Variants in PPFIBP2 observed in about 807,000 individuals in gnomAD.
PPFIBP2 encodes the protein liprin-beta-2.
Under a neutral mutation model 118.3 loss-of-function variants are expected in PPFIBP2, and 118 were observed. The ratio of observed to expected loss-of-function variants is 1.00; its 90% CI spans 0.86 to 1.16. PPFIBP2 has a LOEUF of 1.16. Among genes scored for constraint, PPFIBP2 ranks in the 50% most tolerant of loss-of-function variants. PPFIBP2 has a pLI of 0.00. For synonymous variants in PPFIBP2, 414 were observed against 397.4 expected, an observed-to-expected ratio of 1.04 and a Z score of -0.50; for missense variants, 1,195 against 1,073.1, an observed-to-expected ratio of 1.11 and a Z score of -1.59.
chr11:7,623,218 C>T (rs1849568992), intron 7 of PPFIBP2, among the ~76,000 whole-genome samples: 1 of 150,746 alleles, frequency 6.6e-6, no homozygotes, highest in African/African-American at 2.5e-5. Flanking sequence ...TCAGGCCTCT[C>T]AGTCTCTGAA....
At chr11:7,637,571 A>G (rs990661663) in intron 14 of PPFIBP2, among the ~76,000 whole-genome samples, 1 of 151,982 alleles carries the variant, frequency 6.6e-6, no homozygotes, top group Non-Finnish European at 1.5e-5. Flanking sequence ...CTCTGTTGTA[A>G]TTTAAAGCAG....
intron 3 of PPFIBP2, among the ~76,000 whole-genome samples, chr11:7,577,824 T>A (rs1294810165): frequency 6.6e-6 from 1 of 152,110 alleles, no homozygotes; most frequent in East Asian, 1.9e-4. Context: ...TCAGCTGTCT[T>A]TGTTTCTCCA....
chr11:7,649,806 A>G, intron 21 of PPFIBP2, 152 bp downstream of exon 21: 5 of 1,225,194 alleles, frequency 4.1e-6, no homozygotes, highest in Non-Finnish European at 5.8e-6. Flanking sequence ...CTGTTGCCCC[A>G]AACATCCGTT....
Position 7,649,670 on chromosome 11 carries a change from G to A in PPFIBP2, c.2121+16G>A. On this transcript the variant is annotated intron_variant, in intron 21 of 23. Coordinates refer to ENST00000299492, the MANE Select transcript of PPFIBP2 (RefSeq NM_003621.5). ...AGCTGATGAGGTGAGACCACAAATA[G>A]TATCTCTCCAGGTAGCCCTGAGCCA... 2 of 1,614,178 alleles carry A rather than the reference G, an allele frequency of 1.2e-6. No homozygotes were observed. The highest frequency in any genetic ancestry group is 1.7e-6 in the Non-Finnish European group (2 of 1,180,022).
intron 1 of PPFIBP2, among the ~76,000 whole-genome samples, chr11:7,535,053 G>A (rs1851076132): frequency 6.6e-6 from 1 of 152,212 alleles, no homozygotes; most frequent in Non-Finnish European, 1.5e-5. Flanking sequence ...GGGCTGAGCT[G>A]CACATGCTCA....
In PPFIBP2 at chr11:7,650,210, A is replaced by C. The variant is rs768095881; in HGVS notation, c.2121+556A>C. On this transcript the variant is annotated intron_variant, in intron 21 of 23. Coordinates refer to ENST00000299492, the MANE Select transcript of PPFIBP2 (RefSeq NM_003621.5). ...ACTTCGGAGTTCTTGGTGGACCCCC[A>C]AACTGAAGATTGTCAGTCACATCCT... is the stretch of plus-strand genomic sequence containing the variant. Among the ~76,000 whole-genome samples the C allele has an allele frequency of 9.4e-4, 143 of 152,090 alleles. 1 individual carries two copies. Among genetic ancestry groups the C allele is most frequent in the Admixed American group, 3.9e-3 (60 of 15,296 alleles).
intron 3 of PPFIBP2, among the ~76,000 whole-genome samples, chr11:7,567,919 G>A (rs777146120): frequency 3.3e-5 from 5 of 152,176 alleles, no homozygotes; most frequent in Admixed American, 6.5e-5. Context: ...GAAGCGCTGC[G>A]TTCAACCCTG....
chr11:7,565,826 G>A (rs747629300), intron 3 of PPFIBP2, 59 bp downstream of exon 3: 281 of 1,563,362 alleles, frequency 1.8e-4, no homozygotes, highest in Non-Finnish European at 2.4e-4. Flanking sequence ...GCAGCCCATG[G>A]AGTGCCACTG....
At chr11:7,641,416 G>A (rs1852174806) in intron 15 of PPFIBP2, 63 bp from the exon 16 acceptor site, 2 of 1,573,558 alleles carry the variant, frequency 1.3e-6, no homozygotes, top group Non-Finnish European at 1.7e-6. Flanking sequence ...CCCAGGCTTG[G>A]GGAAGAAGGG....
Position 7,653,694 on chromosome 11 carries a change from G to C in PPFIBP2, c.*476G>C, listed in dbSNP as rs900309084. 6 of 1,282,392 alleles carry C rather than the reference G, an allele frequency of 4.7e-6. No homozygotes were observed. The African/African-American group carries it at 7.6e-5, about 16-fold the overall frequency. The allele number at this position is 1,282,392 out of a possible 1,614,324, so 79.4% of individuals were successfully genotyped here. A position where few individuals can be genotyped will look rare whatever the true frequency, so the allele number is the denominator to read the frequency against. ...TCTGCCACAGTGACAATGGAATTGT[G>C]TTGTGCCTTACTTCAGAGGTGGTCT... On this transcript the variant is annotated 3_prime_UTR_variant, in exon 24 of 24. Coordinates refer to ENST00000299492, the MANE Select transcript of PPFIBP2 (RefSeq NM_003621.5).
chr11:7,581,592 G>A (rs756933955), intron 3 of PPFIBP2, among the ~76,000 whole-genome samples: 13 of 152,124 alleles, frequency 8.5e-5, no homozygotes, highest in African/African-American at 1.4e-4. Flanking sequence ...AGGCAGACAC[G>A]GAGGTCTCCT....
intron 5 of PPFIBP2, among the ~76,000 whole-genome samples, chr11:7,598,850 A>G (rs2135347483): frequency 7.6e-6 from 1 of 131,140 alleles, no homozygotes; most frequent in South Asian, 2.2e-4. Flanking sequence ...TGTCATGAGA[A>G]TTAATCTGGT....
At chr11:7,628,063 G>A (rs1449886449) in intron 8 of PPFIBP2, among the ~76,000 whole-genome samples, 1 of 152,150 alleles carries the variant, frequency 6.6e-6, no homozygotes, top group Non-Finnish European at 1.5e-5. Context: ...GCCCATAAAT[G>A]TCTATAAAGA....
intron 6 of PPFIBP2, among the ~76,000 whole-genome samples, chr11:7,615,732 A>G (rs148280041): frequency 6.6e-6 from 1 of 152,346 alleles, no homozygotes; most frequent in Admixed American, 6.5e-5. Context: ...AAACTGGTTT[A>G]TGAAGTAAAA....
chr11:7,517,534 G>C (rs549181951), intron 1 of PPFIBP2, among the ~76,000 whole-genome samples: 1 of 148,640 alleles, frequency 6.7e-6, no homozygotes, highest in East Asian at 2.0e-4. Context: ...GTGGAGTTTT[G>C]AAAGGATGTC....
intron 14 of PPFIBP2, among the ~76,000 whole-genome samples, chr11:7,639,271 C>A (rs1348165906): frequency 6.6e-6 from 1 of 152,194 alleles, no homozygotes; most frequent in Non-Finnish European, 1.5e-5. Context: ...CCAGACCAGA[C>A]TGAGCTCAGT....
intron 3 of PPFIBP2, among the ~76,000 whole-genome samples, chr11:7,580,482 C>T (rs1857106380): frequency 6.6e-6 from 1 of 152,120 alleles, no homozygotes; most frequent in African/African-American, 2.4e-5. Flanking sequence ...TTGAGCAGTC[C>T]AAGGTGGTGG....
At chr11:7,520,338 G>C (rs1279321772) in intron 1 of PPFIBP2, among the ~76,000 whole-genome samples, 2 of 152,036 alleles carry the variant, frequency 1.3e-5, no homozygotes, top group African/African-American at 2.4e-5. Context: ...GGTATTTTCC[G>C]GCTGGCTCTT....
rs560159557 is a variant in PPFIBP2, at chr11:7,645,009, A to G, written c.1646+2583A>G. ...GCCACTGCACTCCAGCCTGGGCGAC[A>G]GAGCAAGACTCCGTCTCAAAAAAAA... is the stretch of plus-strand genomic sequence containing the variant. On this transcript the variant is annotated intron_variant, in intron 17 of 23. Coordinates refer to ENST00000299492, the MANE Select transcript of PPFIBP2 (RefSeq NM_003621.5). 2.7e-4 allele frequency among the ~76,000 whole-genome samples: 32 copies of G among 117,060 alleles called. No individual in the cohort carries two copies. The East Asian group carries it at 7.9e-3, about 29-fold the overall frequency. 76.8% of individuals were successfully genotyped at this position (117,060 alleles called of 152,430 possible). A position where few individuals can be genotyped will look rare whatever the true frequency, so the allele number is the denominator to read the frequency against.
Sources: gnomAD v4.1 joint callset for allele counts (sites outside exome capture counted in the v4.1 genomes callset) on GRCh38, gnomAD v4.1.1 for gene constraint, MANE v1.5 for transcripts, NCBI Gene and HGNC (gene_info 2026-07-23, HGNC 2026-07-21) for gene names.